The following EIPR1 variants were observed in gnomAD, a reference collection of about 807,000 sequenced individuals.
EIPR1 encodes EARP and GARP complex-interacting protein 1.
A neutral mutation model predicts 48.1 loss-of-function variants in EIPR1; 25 were observed. The ratio of observed to expected loss-of-function variants is 0.52; its 90% CI spans 0.38 to 0.73. EIPR1 has a LOEUF of 0.73. Among genes scored for constraint, EIPR1 ranks in the 30% least tolerant of loss-of-function variants. The pLI is 0.00. For missense variants in EIPR1, 415 were observed against 506.2 expected (o/e 0.82, Z 1.73); for synonymous variants, 204 against 201.9 (o/e 1.01, Z -0.09).
chr2:3,208,518 G>C, intron 5 of EIPR1: 1 of 1,544,668 alleles, frequency 6.5e-7, no homozygotes, highest in Non-Finnish European at 8.8e-7. Context: ...GTCTGTGTCT[G>C]ATTAAAAGGA....
chr2:3,357,673 T>C (rs1572482718), intron 1 of EIPR1, among the ~76,000 whole-genome samples: 2 of 152,254 alleles, frequency 1.3e-5, no homozygotes, highest in East Asian at 3.8e-4. Flanking sequence ...CCTTTATTTG[T>C]TTATAAATTT....
Position 3,313,257 on chromosome 2 carries a change from A to G in EIPR1, c.259+24760T>C, listed in dbSNP as rs145904119. 2.7e-3 allele frequency among the ~76,000 whole-genome samples: 406 copies of G among 152,364 alleles called. 4 individuals carry two copies. Among genetic ancestry groups the G allele is most frequent in the African/African-American group, 8.9e-3 (371 of 41,578 alleles). ...GAGGGTTAAAGGCAGTGAGGACCCA[A>G]TTGGATATCACCTGATCCCTGGGAG... On this transcript the variant is annotated intron_variant, in intron 3 of 8. Transcript: ENST00000382125.
chr2:3,344,552 G>A (rs1452690044), intron 2 of EIPR1, among the ~76,000 whole-genome samples: 2 of 151,692 alleles, frequency 1.3e-5, no homozygotes, highest in Non-Finnish European at 2.9e-5. Context: ...GTATATCTGG[G>A]CCCCTCTCAG....
chr2:3,360,331 G>C (rs1403919894), intron 1 of EIPR1, among the ~76,000 whole-genome samples: 1 of 151,552 alleles, frequency 6.6e-6, no homozygotes, highest in African/African-American at 2.4e-5. Context: ...TTGAACCAGG[G>C]AGGCAGAAGT....
chr2:3,247,582 G>A (rs185819012), intron 4 of EIPR1, among the ~76,000 whole-genome samples: 1 of 152,292 alleles, frequency 6.6e-6, no homozygotes, highest in Admixed American at 6.5e-5. Flanking sequence ...GGCTCCGAAG[G>A]GCACTGGTGT....
intron 4 of EIPR1, among the ~76,000 whole-genome samples, chr2:3,255,194 T>G (rs1213995342): frequency 6.6e-6 from 1 of 151,390 alleles, no homozygotes; most frequent in East Asian, 1.9e-4. Flanking sequence ...TACTTTCTTT[T>G]TTTTTTTTTT....
intron 3 of EIPR1, among the ~76,000 whole-genome samples, chr2:3,273,423 G>A (rs2103248264): frequency 6.6e-6 from 1 of 152,190 alleles, no homozygotes; most frequent in Admixed American, 6.5e-5. Context: ...GAGATACTAG[G>A]ACCTCTGCAA....
At chr2:3,328,700 A>C (rs1572449217) in intron 3 of EIPR1, among the ~76,000 whole-genome samples, 1 of 132,512 alleles carries the variant, frequency 7.5e-6, no homozygotes. Flanking sequence ...ATCAGAGCCC[A>C]CCCACCACGC....
At chr2:3,344,380 T>C (rs773016088) in intron 2 of EIPR1, among the ~76,000 whole-genome samples, 1 of 152,238 alleles carries the variant, frequency 6.6e-6, no homozygotes, top group African/African-American at 2.4e-5. Flanking sequence ...GGTTACAGCA[T>C]GTGACTCTGA....
intron 4 of EIPR1, among the ~76,000 whole-genome samples, chr2:3,255,339 C>A (rs987822145): frequency 6.6e-6 from 1 of 152,100 alleles, no homozygotes; most frequent in Non-Finnish European, 1.5e-5. Flanking sequence ...CGTGCCACCA[C>A]ACACGGCTAA....
chr2:3,279,289 G>T (rs1176106127), intron 3 of EIPR1, among the ~76,000 whole-genome samples: 2 of 151,970 alleles, frequency 1.3e-5, no homozygotes, highest in Non-Finnish European at 2.9e-5. Context: ...TTCCCACACT[G>T]GAATATCAAA....
intron 3 of EIPR1, among the ~76,000 whole-genome samples, chr2:3,268,773 C>G (rs1352932876): frequency 6.6e-6 from 1 of 152,190 alleles, no homozygotes; most frequent in Non-Finnish European, 1.5e-5. Flanking sequence ...GCCGGCTCCC[C>G]TTGGCTCGGA....
At chr2:3,358,216 G>C (rs1670774908) in intron 1 of EIPR1, among the ~76,000 whole-genome samples, 1 of 152,178 alleles carries the variant, frequency 6.6e-6, no homozygotes, top group African/African-American at 2.4e-5. Context: ...AGAAACAAGT[G>C]AACGGTTGCC....
At chr2:3,362,799 G>C (rs1670881967) in intron 1 of EIPR1, among the ~76,000 whole-genome samples, 1 of 152,168 alleles carries the variant, frequency 6.6e-6, no homozygotes, top group Non-Finnish European at 1.5e-5. Context: ...GAGGCAGGCT[G>C]GGGGAGCCAC....
At position 3,242,744 on chromosome 2, in the gene EIPR1, C is replaced by T. The variant is rs184780655; in HGVS notation, c.416+14555G>A. ...ATGATGGTGATTATGTCATTGCTTACCAGTTGAACTTTGAGAAACCCTTTT... is the reference window on the plus strand; with the variant it reads ...ATGATGGTGATTATGTCATTGCTTATCAGTTGAACTTTGAGAAACCCTTTT... On this transcript the variant is annotated intron_variant, in intron 4 of 8. Coordinates refer to ENST00000382125, the MANE Select transcript of EIPR1 (RefSeq NM_003310.5). 1.5e-3 allele frequency among the ~76,000 whole-genome samples: 229 copies of T among 152,302 alleles called. 1 individual carries two copies. Among genetic ancestry groups the T allele is most frequent in the Admixed American group, 0.011 (168 of 15,308 alleles).
In EIPR1 at chr2:3,201,200, G is replaced by A. The variant is rs144016721; in HGVS notation, c.517-4183C>T. ...TGTGCACAGGGCAGGAGGCAAAAGCGCCGGGAACACCAGGGCCTGACATCC... is the reference window on the plus strand; with the variant it reads ...TGTGCACAGGGCAGGAGGCAAAAGCACCGGGAACACCAGGGCCTGACATCC... On this transcript the variant is annotated intron_variant, in intron 5 of 8. Transcript: ENST00000382125. Among the ~76,000 whole-genome samples, 557 of 152,258 alleles carry A rather than the reference G, an allele frequency of 3.7e-3. 5 individuals are homozygous for A. The highest frequency in any genetic ancestry group is 0.017 in the Middle Eastern group (5 of 294).
Position 3,257,283 on chromosome 2 carries a change from A to C in EIPR1, c.416+16T>G. 1 of 1,608,794 alleles carries C rather than the reference A, an allele frequency of 6.2e-7. No individual in the cohort carries two copies. Among genetic ancestry groups the C allele is most frequent in the South Asian group, 1.1e-5 (1 of 90,754 alleles). On this transcript the variant is annotated intron_variant, in intron 4 of 8. Coordinates refer to ENST00000382125, the MANE Select transcript of EIPR1 (RefSeq NM_003310.5). ...TGCAGGCTCGTTCTGGGCGCATGAA[A>C]TATGCAAAATCCTACCAGGCCATGT...
intron 5 of EIPR1, among the ~76,000 whole-genome samples, chr2:3,202,223 C>A (rs1434999216): frequency 1.3e-5 from 2 of 152,238 alleles, no homozygotes; most frequent in African/African-American, 4.8e-5. Flanking sequence ...AGGCGTGAGC[C>A]ACCGCACCCG....
intron 1 of EIPR1, among the ~76,000 whole-genome samples, chr2:3,374,383 T>C (rs1659802430): frequency 6.6e-6 from 1 of 151,512 alleles, no homozygotes; most frequent in South Asian, 2.1e-4. Context: ...ACAAATGGGA[T>C]CTCATTAAAC....
Sources: gnomAD v4.1 joint callset for allele counts (sites outside exome capture counted in the v4.1 genomes callset) on GRCh38, gnomAD v4.1.1 for gene constraint, MANE v1.5 for transcripts, NCBI Gene and HGNC (gene_info 2026-07-23, HGNC 2026-07-21) for gene names.